Variants in CAMTA1 observed in about 807,000 individuals in gnomAD.
CAMTA1 encodes calmodulin binding transcription activator 1.
A neutral mutation model predicts 170.9 loss-of-function variants in CAMTA1; 27 were observed. The ratio of observed to expected loss-of-function variants is 0.16; its 90% CI spans 0.12 to 0.22. The LOEUF is 0.22. Ranked by LOEUF, CAMTA1 falls within the 10% of genes least tolerant of loss-of-function variation. CAMTA1 has a pLI of 1.00. For synonymous variants in CAMTA1, 833 were observed against 891.5 expected, an observed-to-expected ratio of 0.93 and a Z score of 1.17; for missense variants, 1,619 against 2,217.2, an observed-to-expected ratio of 0.73 and a Z score of 5.42.
chr1:7,032,364 T>C (rs1282269122), intron 3 of CAMTA1, among the ~76,000 whole-genome samples: 1 of 152,238 alleles, frequency 6.6e-6, no homozygotes, highest in Non-Finnish European at 1.5e-5. Context: ...ATCTTTGTTA[T>C]TTTACTGCTT....
At chr1:7,018,929 AG>A (rs1259387495) in intron 3 of CAMTA1, among the ~76,000 whole-genome samples, 1 of 152,182 alleles carries the variant, frequency 6.6e-6, no homozygotes, top group Non-Finnish European at 1.5e-5. Context: ...ATGTTAGAGA[AG>A]GCCCGTCTGC....
At chr1:7,204,721 T>C (rs1178524535) in intron 4 of CAMTA1, among the ~76,000 whole-genome samples, 1 of 151,888 alleles carries the variant, frequency 6.6e-6, no homozygotes, top group Non-Finnish European at 1.5e-5. Flanking sequence ...TTCTATCTAG[T>C]TGTTCTATCT....
intron 3 of CAMTA1, among the ~76,000 whole-genome samples, chr1:6,830,261 C>A (rs1177222654): frequency 6.6e-6 from 1 of 151,402 alleles, no homozygotes; most frequent in Non-Finnish European, 1.5e-5. Context: ...TGGTCTTGAT[C>A]TCCTGATCTC....
intron 5 of CAMTA1, among the ~76,000 whole-genome samples, chr1:7,447,520 G>A (rs1018485373): frequency 6.6e-6 from 1 of 152,066 alleles, no homozygotes; most frequent in Non-Finnish European, 1.5e-5. Context: ...CTTCTCAAAG[G>A]CCTCAGGGGA....
chr1:7,219,560 A>AAAG (rs1660363725), intron 4 of CAMTA1: 1 of 150,144 alleles, frequency 6.7e-6, no homozygotes, highest in African/African-American at 2.4e-5. Context: ...AAAAAAAAAA[A>AAAG]AAAAAAAAAA....
chr1:7,340,716 G>GCATCCATCCATC lies in CAMTA1; in HGVS notation c.438+91134_438+91145dup, dbSNP rs60556819. Among the ~76,000 whole-genome samples the GCATCCATCCATC allele has an allele frequency of 3.2e-3, 473 of 146,798 alleles. 4 individuals are homozygous for GCATCCATCCATC. The highest frequency in any genetic ancestry group is 4.8e-3 in the Non-Finnish European group (322 of 66,580). ...TCTAGCCATGTATCCTTCCACCTGTGCATCCATCCATCCATCCATCCATCC... is the reference window on the plus strand; with the variant it reads ...TCTAGCCATGTATCCTTCCACCTGTGCATCCATCCATCCATCCATCCATCCATCCATCCATCC... On this transcript the variant is annotated intron_variant, in intron 5 of 22. Coordinates refer to ENST00000303635, the MANE Select transcript of CAMTA1 (RefSeq NM_015215.4).
chr1:7,719,878 T>C (rs920782313), intron 11 of CAMTA1, among the ~76,000 whole-genome samples: 4 of 152,258 alleles, frequency 2.6e-5, no homozygotes, highest in Non-Finnish European at 5.9e-5. Context: ...CTTTGCCTCC[T>C]CAGCTCTCCC....
chr1:7,055,643 C>T (rs1707206134), intron 3 of CAMTA1, among the ~76,000 whole-genome samples: 1 of 152,192 alleles, frequency 6.6e-6, no homozygotes, highest in Non-Finnish European at 1.5e-5. Flanking sequence ...CGAGGTGGGT[C>T]ACCTGAGTGT....
chr1:7,295,910 G>A (rs888544142), intron 5 of CAMTA1, among the ~76,000 whole-genome samples: 2 of 152,226 alleles, frequency 1.3e-5, no homozygotes, highest in Non-Finnish European at 1.5e-5. Flanking sequence ...CTGGGGCCAG[G>A]CATAGCTCTG....
At chr1:7,527,723 A>C (rs1413791660) in intron 6 of CAMTA1, among the ~76,000 whole-genome samples, 2 of 152,148 alleles carry the variant, frequency 1.3e-5, no homozygotes, top group East Asian at 3.9e-4. Context: ...GGAGATAGGG[A>C]GCTGAAAGCC....
At chr1:7,398,932 C>T (rs1317321301) in intron 5 of CAMTA1, among the ~76,000 whole-genome samples, 1 of 152,140 alleles carries the variant, frequency 6.6e-6, no homozygotes, top group Admixed American at 6.5e-5. Flanking sequence ...TTTACCCTAA[C>T]CACTCCCCCA....
intron 4 of CAMTA1, among the ~76,000 whole-genome samples, chr1:7,157,604 A>C (rs941832041): frequency 6.6e-6 from 1 of 152,230 alleles, no homozygotes; most frequent in Non-Finnish European, 1.5e-5. Context: ...ATGGGGATGT[A>C]GATGGTACGA....
chr1:7,597,298 A>C (rs535755501), intron 6 of CAMTA1, among the ~76,000 whole-genome samples: 35 of 152,308 alleles, frequency 2.3e-4, no homozygotes, highest in African/African-American at 8.2e-4. Flanking sequence ...GTGCGAGGAC[A>C]AGATGAGCTG....
intron 3 of CAMTA1, among the ~76,000 whole-genome samples, chr1:6,907,135 C>A (rs1678683159): frequency 1.3e-5 from 2 of 152,160 alleles, no homozygotes; most frequent in South Asian, 4.1e-4. Context: ...GTTTTGTTTG[C>A]TTTCTAAAAA....
Position 6,862,055 on chromosome 1 carries a change from C to G in CAMTA1, c.234+36845C>G, listed in dbSNP as rs1003790874. Among the ~76,000 whole-genome samples the G allele has an allele frequency of 2.0e-5, 3 of 151,920 alleles. 1 individual carries two copies. The South Asian group carries it at 6.3e-4, about 32-fold the overall frequency. ...TTGGCTCACTGCAACCCCTGCCTCC[C>G]GGGTTCAAGCTATTCTCCTGCCTCA... On this transcript the variant is annotated intron_variant, in intron 3 of 22. Transcript: ENST00000303635.
At chr1:7,544,872 G>T (rs1009503701) in intron 6 of CAMTA1, among the ~76,000 whole-genome samples, 1 of 152,110 alleles carries the variant, frequency 6.6e-6, no homozygotes, top group Non-Finnish European at 1.5e-5. Flanking sequence ...CGCTTTCTCC[G>T]GAGCTATTTC....
chr1:6,960,440 C>T (rs1309309894), intron 3 of CAMTA1, among the ~76,000 whole-genome samples: 5 of 152,114 alleles, frequency 3.3e-5, no homozygotes, highest in Admixed American at 2.0e-4. Flanking sequence ...TGCCCCTCCT[C>T]CCGGTGGCTG....
At chr1:6,916,976 C>G (rs887032470) in intron 3 of CAMTA1, among the ~76,000 whole-genome samples, 1 of 152,084 alleles carries the variant, frequency 6.6e-6, no homozygotes, top group Non-Finnish European at 1.5e-5. Context: ...GAAAAGCCCA[C>G]GTAGTCTGTG....
chr1:7,146,570 C>T lies in CAMTA1; in HGVS notation c.302+55199C>T, dbSNP rs374525281. Among the ~76,000 whole-genome samples the T allele has an allele frequency of 3.3e-5, 5 of 151,994 alleles. No homozygotes were observed. Among genetic ancestry groups the T allele is most frequent in the Admixed American group, 6.5e-5 (1 of 15,276 alleles). ...CCATGGCCTTCCTTGACCCCGGCCACGTCCTGCCGGCTCCTCCTCCTTGAA... is the reference window on the plus strand; with the variant it reads ...CCATGGCCTTCCTTGACCCCGGCCATGTCCTGCCGGCTCCTCCTCCTTGAA... On this transcript the variant is annotated intron_variant, in intron 4 of 22. Transcript: ENST00000303635. This position sits in a 1 kb window ranked among gnomAD's most constrained non-coding sequence, Gnocchi z 4.3.
Sources: gnomAD v4.1 joint callset for allele counts (sites outside exome capture counted in the v4.1 genomes callset) on GRCh38, gnomAD v4.1.1 for gene constraint, Gnocchi (gnomAD v3.1) non-coding constraint, MANE v1.5 for transcripts, NCBI Gene and HGNC (gene_info 2026-07-23, HGNC 2026-07-21) for gene names.